CNNM4: variants seen among roughly 807,000 people sequenced by gnomAD.
CNNM4 encodes metal transporter CNNM4.
Under a neutral mutation model 53.7 loss-of-function variants are expected in CNNM4, and 32 were observed. That is an observed-to-expected ratio of 0.60 (90% CI 0.45 to 0.80). The LOEUF (loss-of-function observed/expected upper bound fraction) is 0.80. Among genes scored for constraint, CNNM4 ranks in the 30% least tolerant of loss-of-function variants. The pLI is 0.00. For synonymous variants in CNNM4, 410 were observed against 440.0 expected (o/e 0.93, Z 0.85); for missense variants, 784 against 1,022.0 (o/e 0.77, Z 3.17).
At chr2:96,776,323 C>T (rs1053209100) in intron 1 of CNNM4, among the ~76,000 whole-genome samples, 1 of 151,814 alleles carries the variant, frequency 6.6e-6, no homozygotes, top group Admixed American at 6.6e-5. Context: ...CCACTGCACC[C>T]GGCCGCCATT....
intron 1 of CNNM4, among the ~76,000 whole-genome samples, chr2:96,768,705 T>G (rs994118784): frequency 7.2e-5 from 11 of 152,218 alleles, no homozygotes; most frequent in African/African-American, 2.7e-4. Flanking sequence ...GCTGAGCTCC[T>G]TCTCCGTGCC....
chr2:96,797,837 A>T lies in CNNM4; in HGVS notation c.1681+190A>T, dbSNP rs1457401218. ...GGGATCTCCCTGCGATTCATTTGCC[A>T]TTAATGGGCGGCTACTGCAAACTTC... On this transcript the variant is annotated intron_variant, in intron 3 of 6. Transcript: ENST00000377075. The surrounding 1 kb of genome is among the most constrained non-coding windows in gnomAD (Gnocchi z 6.0). 6.6e-6 allele frequency among the ~76,000 whole-genome samples: 1 copy of T among 152,204 alleles called. No individual in the cohort carries two copies. Among genetic ancestry groups the T allele is most frequent in the African/African-American group, 2.4e-5 (1 of 41,442 alleles).
intron 1 of CNNM4, among the ~76,000 whole-genome samples, chr2:96,796,226 C>T (rs1367135210): frequency 2.1e-5 from 3 of 140,370 alleles, no homozygotes; most frequent in Non-Finnish European, 4.6e-5. Context: ...CTCACTGCAA[C>T]CTCTGCCTCC....
At chr2:96,778,153 C>T (rs2078942775) in intron 1 of CNNM4, among the ~76,000 whole-genome samples, 1 of 151,888 alleles carries the variant, frequency 6.6e-6, no homozygotes, top group Admixed American at 6.6e-5. Context: ...AGGTGTGAGC[C>T]ACCGTGCCTT....
intron 5 of CNNM4, among the ~76,000 whole-genome samples, chr2:96,802,907 G>A (rs558189313): frequency 1.1e-4 from 17 of 152,260 alleles, no homozygotes; most frequent in Admixed American, 5.9e-4. Flanking sequence ...GGCACAGGAC[G>A]GTGCTGGTCT....
Position 96,761,372 on chromosome 2 carries a change from C to G in CNNM4, c.373C>G (p.Arg125Gly), listed in dbSNP as rs2153341479. ...LVVQQLVNVSRGNTSGVLVVL... is the reference protein window; with the variant it reads ...LVVQQLVNVSGGNTSGVLVVL... ...CGTCCAGCAGCTGGTCAACGTGAGC[C>G]GCGGGAACACGTCCGGCGTGCTGGT... Residue 125 changes from arginine to glycine, a missense_variant, in exon 1 of 7, where the codon CGC (arginine) becomes GGC (glycine). By Grantham distance (125) the Arg-to-Gly change is moderately radical (BLOSUM62 -2). Coordinates refer to ENST00000377075, the MANE Select transcript of CNNM4 (RefSeq NM_020184.4). This position sits in a 1 kb window ranked among gnomAD's most constrained non-coding sequence, Gnocchi z 6.0. 3 of 1,614,086 alleles carry G rather than the reference C, an allele frequency of 1.9e-6. No individual in the cohort carries two copies. Among genetic ancestry groups the G allele is most frequent in the Non-Finnish European group, 1.7e-6 (2 of 1,180,034 alleles).
rs1352549512 is a variant in CNNM4, at chr2:96,800,274, C to T, written c.1948+626C>T. ...CTCAGGCTTTCCCCGCAGAGCCCCA[C>T]AGACAAGGCCCCGCAGGCCCAGGTC... On this transcript the variant is annotated intron_variant, in intron 5 of 6. Coordinates refer to ENST00000377075, the MANE Select transcript of CNNM4 (RefSeq NM_020184.4). This position sits in a 1 kb window ranked among gnomAD's most constrained non-coding sequence, Gnocchi z 4.6. 6.6e-6 allele frequency among the ~76,000 whole-genome samples: 1 copy of T among 152,184 alleles called. No individual in the cohort carries two copies. Among genetic ancestry groups the T allele is most frequent in the Non-Finnish European group, 1.5e-5 (1 of 68,026 alleles).
chr2:96,800,051 G>C lies in CNNM4; in HGVS notation c.1948+403G>C, dbSNP rs1407086484. On this transcript the variant is annotated intron_variant, in intron 5 of 6. Coordinates refer to ENST00000377075, the MANE Select transcript of CNNM4 (RefSeq NM_020184.4). The surrounding 1 kb of genome is among the most constrained non-coding windows in gnomAD (Gnocchi z 4.6). ...GGGGTCAGGAGCCAGGCCAGGGCCT[G>C]TTTGCCAGGGCAGGCTGCAGATGGG... Among the ~76,000 whole-genome samples, 1 of 152,208 alleles carries C rather than the reference G, an allele frequency of 6.6e-6. No individual in the cohort carries two copies. Among genetic ancestry groups the C allele is most frequent in the African/African-American group, 2.4e-5 (1 of 41,458 alleles).
In CNNM4 at chr2:96,797,125, T is replaced by G; in HGVS notation, c.1516T>G (p.Ser506Ala). The change falls in exon 2 of 7, where the codon TCG (serine) becomes GCG (alanine). Residue 506 changes from serine (S) to alanine (A), a missense_variant. Ser to Ala is a moderately conservative substitution (Grantham distance 99). Coordinates refer to ENST00000377075, the MANE Select transcript of CNNM4 (RefSeq NM_020184.4). This position sits in a 1 kb window ranked among gnomAD's most constrained non-coding sequence, Gnocchi z 6.0. ...LEDVIEEIIKSEILDESDMYT... is the reference protein window; with the variant it reads ...LEDVIEEIIKAEILDESDMYT... Reference sequence around the variant, plus strand: ...GGACGTGATCGAGGAGATCATCAAGTCGGAGATCCTGGACGAGTCCGACAT... The same window carrying G: ...GGACGTGATCGAGGAGATCATCAAGGCGGAGATCCTGGACGAGTCCGACAT... The G allele has an allele frequency of 6.2e-7, 1 of 1,614,150 alleles. No homozygotes were observed. Among genetic ancestry groups the G allele is most frequent in the South Asian group, 1.1e-5 (1 of 91,086 alleles).
At chr2:96,805,962 G>A (rs1237074700) in intron 5 of CNNM4, among the ~76,000 whole-genome samples, 1 of 151,642 alleles carries the variant, frequency 6.6e-6, no homozygotes, top group Non-Finnish European at 1.5e-5. Context: ...GAGCTGTTGG[G>A]TACACCTCCC....
intron 1 of CNNM4, among the ~76,000 whole-genome samples, chr2:96,778,195 G>T (rs1183777664): frequency 6.6e-6 from 1 of 151,578 alleles, no homozygotes; most frequent in African/African-American, 2.4e-5. Context: ...ACCATGTTTA[G>T]GAGTTATTTA....
chr2:96,797,375 C>A lies in CNNM4; in HGVS notation c.1547-138C>A. On this transcript the variant is annotated intron_variant, in intron 2 of 6. Transcript: ENST00000377075. The surrounding 1 kb of genome is among the most constrained non-coding windows in gnomAD (Gnocchi z 6.0). ...CTCGGCCTTTGTGCCTCGGCGTCAG[C>A]CCAGGACCCTGCCAGCCAGAGCCTG... 1 of 1,433,448 alleles carries A rather than the reference C, an allele frequency of 7.0e-7. No individual in the cohort carries two copies. The highest frequency in any genetic ancestry group is 1.4e-5 in the African/African-American group (1 of 71,630). 88.8% of individuals were successfully genotyped at this position (1,433,448 alleles called of 1,614,324 possible). A position where few individuals can be genotyped will look rare whatever the true frequency, so the allele number is the denominator to read the frequency against.
intron 1 of CNNM4, among the ~76,000 whole-genome samples, chr2:96,778,835 T>G (rs1404632834): frequency 1.3e-5 from 2 of 152,198 alleles, no homozygotes; most frequent in Non-Finnish European, 2.9e-5. Context: ...ATAGCTTTTT[T>G]ATTTTAAGCA....
At position 96,778,226 on chromosome 2, in the gene CNNM4, T is replaced by G; in HGVS notation, c.1402+15825T>G. Among the ~76,000 whole-genome samples, 2 of 151,650 alleles carry G rather than the reference T, an allele frequency of 1.3e-5. 1 individual carries two copies. The highest frequency in any genetic ancestry group is 3.9e-4 in the East Asian group (2 of 5,192). On this transcript the variant is annotated intron_variant, in intron 1 of 6. Transcript: ENST00000377075. ...ATTTATATATTATTTATTCTATATATTCTTTATATAGTTATGTATATCTGG... is the reference window on the plus strand; with the variant it reads ...ATTTATATATTATTTATTCTATATAGTCTTTATATAGTTATGTATATCTGG...
chr2:96,770,556 G>C (rs1043710975), intron 1 of CNNM4, among the ~76,000 whole-genome samples: 1 of 152,208 alleles, frequency 6.6e-6, no homozygotes, highest in Non-Finnish European at 1.5e-5. Context: ...GAGCCTCACC[G>C]TCCTTCGCAG....
intron 1 of CNNM4, among the ~76,000 whole-genome samples, chr2:96,791,801 C>T (rs2079064611): frequency 6.6e-6 from 1 of 152,052 alleles, no homozygotes. Context: ...ATGGGGGATT[C>T]AGGATGGTTT....
chr2:96,802,659 G>T (rs906692932), intron 5 of CNNM4, among the ~76,000 whole-genome samples: 1 of 152,224 alleles, frequency 6.6e-6, no homozygotes, highest in Non-Finnish European at 1.5e-5. Flanking sequence ...GTACGTGAGA[G>T]AATTCATGTA....
At chr2:96,791,664 G>C (rs1297440081) in intron 1 of CNNM4, among the ~76,000 whole-genome samples, 1 of 151,658 alleles carries the variant, frequency 6.6e-6, no homozygotes, top group Non-Finnish European at 1.5e-5. Flanking sequence ...TTTCAAAGTA[G>C]TCCTTAGTCA....
intron 1 of CNNM4, among the ~76,000 whole-genome samples, chr2:96,792,370 T>C (rs2079069561): frequency 6.6e-6 from 1 of 152,128 alleles, no homozygotes; most frequent in Non-Finnish European, 1.5e-5. Flanking sequence ...TTAGCAATAA[T>C]TTCCGAAGTA....
Sources: allele counts gnomAD v4.1 joint callset (sites outside exome capture counted in the v4.1 genomes callset), GRCh38; gene constraint gnomAD v4.1.1; non-coding constraint Gnocchi (gnomAD v3.1); transcripts MANE v1.5; gene names NCBI Gene and HGNC (gene_info 2026-07-23, HGNC 2026-07-21).